Variants in EGFLAM observed in about 807,000 individuals in gnomAD.
EGFLAM encodes pikachurin.
Under a neutral mutation model 113.1 loss-of-function variants are expected in EGFLAM, and 79 were observed. That is an observed-to-expected ratio of 0.70 (90% confidence interval 0.58 to 0.84). The LOEUF is 0.84. Ranked by LOEUF, EGFLAM falls within the 40% of genes least tolerant of loss-of-function variation. The probability of loss-of-function intolerance (pLI) is 0.00; values close to 1 mark genes in which losing one functional copy is unlikely to be tolerated. For missense variants in EGFLAM, 1,265 were observed against 1,291.6 expected (o/e 0.98, Z 0.32); for synonymous variants, 504 against 487.6 (o/e 1.03, Z -0.44).
chr5:38,301,903 T>A (rs1758589448), intron 1 of EGFLAM, among the ~76,000 whole-genome samples: 1 of 152,060 alleles, frequency 6.6e-6, no homozygotes, highest in South Asian at 2.1e-4. Flanking sequence ...TTCCAATATC[T>A]CCCTCCCCTG....
rs1009802694 is a variant in EGFLAM, at chr5:38,350,431, A to C, written c.292-70A>C. The C allele has an allele frequency of 4.0e-5, 59 of 1,463,370 alleles. No individual in the cohort carries two copies. The African/African-American group carries it at 7.8e-4, about 19-fold the overall frequency. 90.6% of individuals were successfully genotyped at this position (1,463,370 alleles called of 1,614,324 possible). Reference sequence around the variant, plus strand: ...ACAGGGGCCTCGAGATATAAACCTCATGGAAATTGTACAATTTGCCCAAAC... The same window carrying C: ...ACAGGGGCCTCGAGATATAAACCTCCTGGAAATTGTACAATTTGCCCAAAC... On this transcript the variant is annotated intron_variant, in intron 3 of 21. Transcript: ENST00000322350.
In EGFLAM at chr5:38,458,762, C is replaced by T. The variant is rs1194344942; in HGVS notation, c.2771+368C>T. ...TGGGGAGGCCGAGGTGGGTGGATCA[C>T]CTGAGCTCAGGAGTTTGAAACCAGC... On this transcript the variant is annotated intron_variant, in intron 20 of 21. Coordinates refer to ENST00000322350, the MANE Select transcript of EGFLAM (RefSeq NM_152403.4). Among the ~76,000 whole-genome samples the T allele has an allele frequency of 2.6e-5, 4 of 152,088 alleles. No individual in the cohort carries two copies. The East Asian group carries it at 7.7e-4, about 29-fold the overall frequency.
chr5:38,358,379 G>C (rs1174419444), intron 5 of EGFLAM, among the ~76,000 whole-genome samples: 1 of 143,704 alleles, frequency 7.0e-6, no homozygotes, highest in African/African-American at 2.6e-5. Context: ...CCCGGGAGGC[G>C]GAGCTTGCAG....
intron 6 of EGFLAM, among the ~76,000 whole-genome samples, chr5:38,386,757 G>C (rs943167019): frequency 6.6e-6 from 1 of 152,114 alleles, no homozygotes; most frequent in African/African-American, 2.4e-5. Context: ...TGCCCGCCTC[G>C]GCCTCTCAAA....
chr5:38,417,360 A>AC (rs1561080135), intron 11 of EGFLAM, among the ~76,000 whole-genome samples: 1 of 147,434 alleles, frequency 6.8e-6, no homozygotes, highest in East Asian at 1.9e-4. Flanking sequence ...AAAAAAAAAA[A>AC]AAAAAAAAAC....
At chr5:38,448,772 G>A (rs767279509) in intron 18 of EGFLAM, among the ~76,000 whole-genome samples, 12 of 152,180 alleles carry the variant, frequency 7.9e-5, no homozygotes, top group Admixed American at 2.6e-4. Context: ...GTGCTGTGCC[G>A]TGGCCAGAGT....
rs563592404 is a variant in EGFLAM at position 38,277,659 on chromosome 5, A to G, written c.97+18808A>G. On this transcript the variant is annotated intron_variant, in intron 1 of 21. Coordinates refer to ENST00000322350, the MANE Select transcript of EGFLAM (RefSeq NM_152403.4). ...TGACATGATCTTATGTATAGAGAAGACCGTAGATGCCACTAAAAAACTGTT... is the reference window on the plus strand; with the variant it reads ...TGACATGATCTTATGTATAGAGAAGGCCGTAGATGCCACTAAAAAACTGTT... Among the ~76,000 whole-genome samples the G allele has an allele frequency of 2.8e-4, 43 of 152,298 alleles. No homozygotes were observed. In the Middle Eastern group the frequency reaches 0.01, roughly 36 times the overall value.
chr5:38,399,935 T>C (rs1741062856), intron 6 of EGFLAM: 1 of 152,244 alleles, frequency 6.6e-6, no homozygotes, highest in Non-Finnish European at 1.5e-5. Context: ...TGCTTTTTCA[T>C]CCACATAAGT....
chr5:38,457,382 A>AG (rs1174409019), intron 19 of EGFLAM, among the ~76,000 whole-genome samples: 1 of 152,156 alleles, frequency 6.6e-6, no homozygotes, highest in Non-Finnish European at 1.5e-5. Flanking sequence ...CTTCTTCTGG[A>AG]GGGTCTCAGG....
intron 10 of EGFLAM, among the ~76,000 whole-genome samples, chr5:38,409,828 C>T (rs756508186): frequency 6.6e-6 from 1 of 152,270 alleles, no homozygotes; most frequent in African/African-American, 2.4e-5. Context: ...CCCCAACACA[C>T]TTTGGAAGCC....
In EGFLAM at chr5:38,463,859, C is replaced by T. The variant is rs767939696; in HGVS notation, c.2903C>T (p.Thr968Ile). ...GGAATGAAGGAAATTGCTCTGCACA[C>T]TAACAGGCAATATATGAGAGGGCTC... ...VGGMKEIALH[T>I]NRQYMRGLVG... Residue 968 changes from threonine (T) to isoleucine (I), a missense_variant, in exon 22 of 22, where the codon ACT becomes ATT. Transcript: ENST00000322350. 6.2e-7 allele frequency: 1 copy of T among 1,614,120 alleles called. No individual in the cohort carries two copies. The highest frequency in any genetic ancestry group is 8.5e-7 in the Non-Finnish European group (1 of 1,180,042).
Position 38,423,557 on chromosome 5 carries a change from G to A in EGFLAM, c.1685-1410G>A, listed in dbSNP as rs78021918. Among the ~76,000 whole-genome samples, 966 of 152,272 alleles carry A rather than the reference G, an allele frequency of 6.3e-3. 68 individuals are homozygous for A. In the East Asian group the frequency reaches 0.17, roughly 26 times the overall value. ...TTCCTGTGGATCCAGCCAAGCTCTG[G>A]GAAGGAATCACAACCCACAGAAATT... On this transcript the variant is annotated intron_variant, in intron 12 of 21. Transcript: ENST00000322350.
chr5:38,403,789 GAT>G, intron 6 of EGFLAM: 1 of 1,609,898 alleles, frequency 6.2e-7, no homozygotes, highest in Non-Finnish European at 8.5e-7. Context: ...GCTGTACAAA[GAT>G]AGAGACAAGA....
At chr5:38,403,066 T>C (rs943211337) in intron 6 of EGFLAM, among the ~76,000 whole-genome samples, 6 of 152,214 alleles carry the variant, frequency 3.9e-5, no homozygotes, top group Admixed American at 3.3e-4. Flanking sequence ...CAAATGGATT[T>C]CTTCTTCTGG....
intron 12 of EGFLAM, among the ~76,000 whole-genome samples, chr5:38,424,657 G>A (rs1466921734): frequency 2.0e-5 from 3 of 152,312 alleles, no homozygotes; most frequent in African/African-American, 7.2e-5. Flanking sequence ...AATTAAAGCA[G>A]AAACAGCTTA....
At chr5:38,395,840 C>T (rs550573565) in intron 6 of EGFLAM, among the ~76,000 whole-genome samples, 4 of 152,270 alleles carry the variant, frequency 2.6e-5, no homozygotes, top group Admixed American at 1.3e-4. Flanking sequence ...CAACTGGAGA[C>T]CATACTATGT....
intron 6 of EGFLAM, among the ~76,000 whole-genome samples, chr5:38,382,547 A>G (rs1265139973): frequency 6.6e-6 from 1 of 152,196 alleles, no homozygotes; most frequent in East Asian, 1.9e-4. Context: ...TTCTAGTTGG[A>G]TAGACTGACA....
intron 3 of EGFLAM, 23 bp downstream of exon 3, chr5:38,338,804 C>CAT: frequency 3.7e-6 from 6 of 1,609,310 alleles, no homozygotes; most frequent in Non-Finnish European, 4.3e-6. Flanking sequence ...ATCCTGGCAG[C>CAT]CCACTCAAAA....
chr5:38,428,992 A>G (rs1742103489), intron 14 of EGFLAM, among the ~76,000 whole-genome samples: 1 of 152,204 alleles, frequency 6.6e-6, no homozygotes, highest in Admixed American at 6.5e-5. Flanking sequence ...GGTGTTTCAG[A>G]TGCCCCATTG....
Sources: gnomAD v4.1 joint callset for allele counts (sites outside exome capture counted in the v4.1 genomes callset) on GRCh38, gnomAD v4.1.1 for gene constraint, MANE v1.5 for transcripts, NCBI Gene and HGNC (gene_info 2026-07-23, HGNC 2026-07-21) for gene names.